Variants in PPP1R36 observed in about 807,000 individuals in gnomAD.
The protein encoded by PPP1R36 is protein phosphatase 1 regulatory subunit 36.
In PPP1R36, 47 loss-of-function variants were observed where a neutral mutation model predicts 53.4. The ratio of observed to expected loss-of-function variants is 0.88; its 90% CI spans 0.70 to 1.12. The LOEUF is 1.12. Ranked by LOEUF, PPP1R36 falls within the 50% of genes most tolerant of loss-of-function variation. The pLI, the probability that PPP1R36 is intolerant of heterozygous loss-of-function variation, is 0.00. For synonymous variants in PPP1R36, 153 were observed against 170.5 expected (o/e 0.90, Z 0.80); for missense variants, 456 against 513.9 (o/e 0.89, Z 1.09).
chr14:64,578,664 G>A (rs957036265), intron 8 of PPP1R36, among the ~76,000 whole-genome samples: 1 of 152,214 alleles, frequency 6.6e-6, no homozygotes, highest in African/African-American at 2.4e-5. Context: ...TTGGTGGGAT[G>A]TAAATTAGTT....
chr14:64,587,350 C>T lies in PPP1R36; in HGVS notation c.868C>T (p.Arg290Cys), dbSNP rs747176239. The T allele has an allele frequency of 1.9e-5, 30 of 1,612,056 alleles. No homozygotes were observed. Among genetic ancestry groups the T allele is most frequent in the African/African-American group, 4.0e-5 (3 of 74,772 alleles). ...TGAGGAATCAGGAGGGGAAAAGAAA[C>T]GCATGACTTTTGTTCAGTTCAGGTA... ...EDEESGGEKK[R>C]MTFVQFRRMM... The change falls in exon 10 of 12, where the codon CGC becomes TGC. Residue 290 changes from arginine to cysteine, a missense_variant. By Grantham distance (180) the Arg-to-Cys change is radical. Transcript: ENST00000298705.
At chr14:64,573,742 G>A (rs545055469) in intron 7 of PPP1R36, among the ~76,000 whole-genome samples, 148 of 150,978 alleles carry the variant, frequency 9.8e-4, no homozygotes, top group Non-Finnish European at 1.8e-3. Flanking sequence ...GTGAAACCCT[G>A]TCTCTACTAA....
chr14:64,574,311 C>T, intron 7 of PPP1R36, 144 bp from the exon 8 acceptor site: 1 of 743,810 alleles, frequency 1.3e-6, no homozygotes, highest in Non-Finnish European at 2.1e-6. Flanking sequence ...GCTGTGATCG[C>T]ACCACTGCAC....
At position 64,582,176 on chromosome 14, in the gene PPP1R36, C is replaced by G. The variant is rs2140246986; in HGVS notation, c.669-4661C>G. 1.3e-5 allele frequency among the ~76,000 whole-genome samples: 2 copies of G among 152,238 alleles called. 1 individual carries two copies. Among genetic ancestry groups the G allele is most frequent in the East Asian group, 3.9e-4 (2 of 5,186 alleles). ...GTCACATGCACCAAAGCCTCTTTCC[C>G]CTCCCCTAAAATACATCCCTTTGAC... On this transcript the variant is annotated intron_variant, in intron 8 of 11. Transcript: ENST00000298705.
intron 7 of PPP1R36, among the ~76,000 whole-genome samples, chr14:64,569,266 T>C (rs1049829942): frequency 8.5e-5 from 13 of 152,300 alleles, no homozygotes; most frequent in African/African-American, 3.1e-4. Flanking sequence ...CACGCCAGGC[T>C]GCCCTCCCCA....
intron 8 of PPP1R36, among the ~76,000 whole-genome samples, chr14:64,575,650 TG>T (rs1212160710): frequency 1.4e-5 from 2 of 140,468 alleles, no homozygotes; most frequent in African/African-American, 2.8e-5. Flanking sequence ...TAAGACATTT[TG>T]GGGTTTTTTT....
At position 64,571,105 on chromosome 14, in the gene PPP1R36, A is replaced by G. The variant is rs2080299745; in HGVS notation, c.533+2658A>G. On this transcript the variant is annotated intron_variant, in intron 7 of 11. Transcript: ENST00000298705. ...ATTTTTAGCTTCTGAACAATTATGTATGTACTGTTTGTTTGTTTGTTTGTT... is the reference window on the plus strand; with the variant it reads ...ATTTTTAGCTTCTGAACAATTATGTGTGTACTGTTTGTTTGTTTGTTTGTT... 2.8e-5 allele frequency among the ~76,000 whole-genome samples: 4 copies of G among 142,290 alleles called. No individual in the cohort carries two copies. The South Asian group carries it at 8.9e-4, about 32-fold the overall frequency. The allele number at this position is 142,290 out of a possible 152,430, so 93.3% of individuals were successfully genotyped here.
At chr14:64,583,900 CTT>C (rs912391508) in intron 8 of PPP1R36, among the ~76,000 whole-genome samples, 18,058 of 119,686 alleles carry the variant, frequency 0.15, 1,412 homozygotes, top group Non-Finnish European at 0.2. Flanking sequence ...GTTACCTCCT[CTT>C]TTTTTTTTTT....
At chr14:64,550,801 T>C (rs2080088309) in intron 1 of PPP1R36, 120 bp from the exon 2 acceptor site, 4 of 707,586 alleles carry the variant, frequency 5.7e-6, no homozygotes, top group Admixed American at 3.0e-5. Context: ...GTTTTTTGTT[T>C]CCTTCTTATT....
intron 8 of PPP1R36, among the ~76,000 whole-genome samples, chr14:64,575,396 G>C (rs73269736): frequency 0.023 from 3,565 of 152,138 alleles, 132 homozygotes; most frequent in African/African-American, 0.082. Context: ...TTATTATTCT[G>C]ACTATGTGAT....
At position 64,587,219 on chromosome 14, in the gene PPP1R36, T is replaced by A. The variant is rs1261813138; in HGVS notation, c.737T>A (p.Val246Glu). Residue 246 changes from valine to glutamate, a missense_variant, in exon 10 of 12, where the codon GTG becomes GAG. By Grantham distance (121) the Val-to-Glu change is moderately radical. Transcript: ENST00000298705. ...TCCTTTTATACTTTCTGTACATATGTGGCTTGGATTGTCTTCCGACGTCAA... is the reference window on the plus strand; with the variant it reads ...TCCTTTTATACTTTCTGTACATATGAGGCTTGGATTGTCTTCCGACGTCAA... ...FESFYTFCTYVAWIVFRRQHL... is the reference protein window; with the variant it reads ...FESFYTFCTYEAWIVFRRQHL... 6.2e-7 allele frequency: 1 copy of A among 1,611,250 alleles called. No individual in the cohort carries two copies. The highest frequency in any genetic ancestry group is 8.5e-7 in the Non-Finnish European group (1 of 1,178,980).
intron 10 of PPP1R36, among the ~76,000 whole-genome samples, chr14:64,587,759 GCCT>G (rs1161972922): frequency 6.6e-6 from 1 of 151,598 alleles, no homozygotes; most frequent in Non-Finnish European, 1.5e-5. Flanking sequence ...ACCATGCCCA[GCCT>G]CCTCTTTTTT....
chr14:64,558,586 A>G (rs979364202), intron 3 of PPP1R36, among the ~76,000 whole-genome samples: 7 of 151,998 alleles, frequency 4.6e-5, no homozygotes, highest in Admixed American at 2.0e-4. Context: ...CTCAAAAAAC[A>G]AATAAACAAA....
intron 3 of PPP1R36, among the ~76,000 whole-genome samples, chr14:64,556,762 A>ATGTTTGTGTGTGTGTG (rs1555351247): frequency 5.5e-4 from 74 of 134,058 alleles, no homozygotes; most frequent in African/African-American, 1.7e-3. Flanking sequence ...TCTCCAAAAA[A>ATGTTTGTGTGTGTGTG]TGTGTGTGTG....
intron 8 of PPP1R36, among the ~76,000 whole-genome samples, chr14:64,580,107 C>G (rs1449788160): frequency 1.3e-5 from 2 of 152,142 alleles, no homozygotes; most frequent in Non-Finnish European, 2.9e-5. Flanking sequence ...CGAGACCAGC[C>G]CGGGCAACAC....
intron 2 of PPP1R36, among the ~76,000 whole-genome samples, chr14:64,552,368 A>G (rs755054949): frequency 4.6e-5 from 7 of 152,194 alleles, no homozygotes; most frequent in Non-Finnish European, 1.0e-4. Flanking sequence ...GGGCACCTGT[A>G]ATCCCAGCTA....
At chr14:64,578,879 T>A (rs2080364469) in intron 8 of PPP1R36, among the ~76,000 whole-genome samples, 1 of 152,110 alleles carries the variant, frequency 6.6e-6, no homozygotes, top group Non-Finnish European at 1.5e-5. Flanking sequence ...AGTGACACAC[T>A]GGATAAAGAA....
At position 64,583,589 on chromosome 14, in the gene PPP1R36, C is replaced by T. The variant is rs960802531; in HGVS notation, c.669-3248C>T. Among the ~76,000 whole-genome samples the T allele has an allele frequency of 1.3e-4, 20 of 151,936 alleles. 2 individuals are homozygous for T. The highest frequency in any genetic ancestry group is 1.1e-3 in the Admixed American group (17 of 15,246). Reference sequence around the variant, plus strand: ...CAGCACTTCAGGAGGCCGAGACAGGCGGATCACCTGAGGTCAGGAGTTTGA... The same window carrying T: ...CAGCACTTCAGGAGGCCGAGACAGGTGGATCACCTGAGGTCAGGAGTTTGA... On this transcript the variant is annotated intron_variant, in intron 8 of 11. Transcript: ENST00000298705.
In PPP1R36 at chr14:64,582,157, T is replaced by C. The variant is rs532292086; in HGVS notation, c.669-4680T>C. ...TCCTCTACCCTTACCCCCAGTCACATGCACCAAAGCCTCTTTCCCCTCCCC... is the reference window on the plus strand; with the variant it reads ...TCCTCTACCCTTACCCCCAGTCACACGCACCAAAGCCTCTTTCCCCTCCCC... On this transcript the variant is annotated intron_variant, in intron 8 of 11. Transcript: ENST00000298705. Among the ~76,000 whole-genome samples, 3 of 152,244 alleles carry C rather than the reference T, an allele frequency of 2.0e-5. No individual in the cohort carries two copies. In the East Asian group the frequency reaches 5.8e-4, roughly 29 times the overall value.
Sources: allele counts gnomAD v4.1 joint callset (sites outside exome capture counted in the v4.1 genomes callset), GRCh38; gene constraint gnomAD v4.1.1; transcripts MANE v1.5; gene names NCBI Gene and HGNC (gene_info 2026-07-23, HGNC 2026-07-21).